The following KLF12 variants were observed in gnomAD, a reference collection of about 807,000 sequenced individuals.
KLF12 encodes the protein KLF transcription factor 12, also known as Krueppel-like factor 12.
Under a neutral mutation model 37.8 loss-of-function variants are expected in KLF12, and 9 were observed. The observed-to-expected ratio is 0.24, with a 90% CI of 0.14 to 0.42. The LOEUF is 0.42. Ranked by LOEUF, KLF12 falls within the 10% of genes least tolerant of loss-of-function variation. The probability of loss-of-function intolerance (pLI) is 1.00; values close to 1 mark genes in which losing one functional copy is unlikely to be tolerated. For synonymous variants in KLF12, 208 were observed against 202.1 expected, an observed-to-expected ratio of 1.03 and a Z score of -0.25; for missense variants, 411 against 516.0, an observed-to-expected ratio of 0.80 and a Z score of 1.97.
At chr13:73,950,864 G>T (rs1434062181) in intron 2 of KLF12, among the ~76,000 whole-genome samples, 1 of 152,200 alleles carries the variant, frequency 6.6e-6, no homozygotes, top group African/African-American at 2.4e-5. Flanking sequence ...TCCTTTCTGG[G>T]AGATGAGGCT....
intron 1 of KLF12, among the ~76,000 whole-genome samples, chr13:74,132,676 AC>A (rs1448597239): frequency 1.3e-5 from 2 of 152,202 alleles, no homozygotes; most frequent in African/African-American, 4.8e-5. Context: ...TAAGACTATT[AC>A]TATTAAAGTA....
In KLF12 at chr13:73,694,894, G is replaced by C. The variant is rs942311820; in HGVS notation, c.*596C>G. On this transcript the variant is annotated 3_prime_UTR_variant, in exon 8 of 8. Coordinates refer to ENST00000377669, the MANE Select transcript of KLF12 (RefSeq NM_007249.5). ...TCTTCAGGGCATGGCAGAATGACAAGTTGAGAGTGATATCTAGTGGCTGCC... is the reference window on the plus strand; with the variant it reads ...TCTTCAGGGCATGGCAGAATGACAACTTGAGAGTGATATCTAGTGGCTGCC... 1 of 152,680 alleles carries C rather than the reference G, an allele frequency of 6.5e-6. No homozygotes were observed. Among genetic ancestry groups the C allele is most frequent in the African/African-American group, 2.4e-5 (1 of 41,462 alleles). The allele number at this position is 152,680 out of a possible 1,614,324, so 9.5% of individuals were successfully genotyped here. A position where few individuals can be genotyped will look rare whatever the true frequency, so the allele number is the denominator to read the frequency against.
the KLF12 span, among the ~76,000 whole-genome samples, chr13:74,247,447 C>G: frequency 6.6e-6 from 1 of 152,060 alleles, no homozygotes; most frequent in East Asian, 1.9e-4. Flanking sequence ...TGGCACATAT[C>G]CAGATGTACC....
At chr13:73,977,204 G>A (rs956884139) in intron 2 of KLF12, among the ~76,000 whole-genome samples, 3 of 151,784 alleles carry the variant, frequency 2.0e-5, no homozygotes, top group African/African-American at 4.8e-5. Context: ...ACCAACACCC[G>A]GCTAGCTTTT....
intron 3 of KLF12, among the ~76,000 whole-genome samples, chr13:73,895,085 C>T (rs563759831): frequency 6.6e-6 from 1 of 152,316 alleles, no homozygotes; most frequent in East Asian, 1.9e-4. Context: ...TTATGAACCA[C>T]ATAATTACAA....
At chr13:73,708,000 T>A (rs902183054) in intron 7 of KLF12, among the ~76,000 whole-genome samples, 5 of 152,144 alleles carry the variant, frequency 3.3e-5, no homozygotes, top group African/African-American at 1.2e-4. Flanking sequence ...ATTAATGGAA[T>A]AAACATGTAA....
intron 4 of KLF12, among the ~76,000 whole-genome samples, chr13:73,825,020 G>A (rs1883757772): frequency 6.6e-6 from 1 of 151,752 alleles, no homozygotes; most frequent in Non-Finnish European, 1.5e-5. Flanking sequence ...AGTGCGCTGA[G>A]ATTGCACCAT....
intron 3 of KLF12, among the ~76,000 whole-genome samples, chr13:73,858,099 T>A (rs980071557): frequency 6.6e-6 from 1 of 152,208 alleles, no homozygotes; most frequent in Non-Finnish European, 1.5e-5. Context: ...TTATCTTTTT[T>A]CCTATATTTT....
chr13:74,240,333 C>T, the KLF12 span, among the ~76,000 whole-genome samples: 2 of 123,648 alleles, frequency 1.6e-5, no homozygotes, highest in East Asian at 2.3e-4. Context: ...TGATGGGCTT[C>T]CCTTTGAGGG....
chr13:74,111,567 C>T (rs183113895), intron 1 of KLF12, among the ~76,000 whole-genome samples: 1 of 152,190 alleles, frequency 6.6e-6, no homozygotes, highest in African/African-American at 2.4e-5. Context: ...TGAGCTGTGA[C>T]TGAAAAAGGA....
At chr13:74,209,378 C>T in the KLF12 span, among the ~76,000 whole-genome samples, 1 of 152,028 alleles carries the variant, frequency 6.6e-6, no homozygotes, top group South Asian at 2.1e-4. Flanking sequence ...CTACGATAAG[C>T]TTCTGAGCAC....
chr13:74,230,219 G>A, the KLF12 span, among the ~76,000 whole-genome samples: 1 of 152,018 alleles, frequency 6.6e-6, no homozygotes, highest in Non-Finnish European at 1.5e-5. Context: ...GTTTTATAAG[G>A]AGCTTCCCCC....
At chr13:74,165,053 A>G in the KLF12 span, among the ~76,000 whole-genome samples, 33 of 152,192 alleles carry the variant, frequency 2.2e-4, no homozygotes, top group African/African-American at 7.5e-4. Flanking sequence ...GAGGATAACT[A>G]GAATGTTTGT....
At chr13:73,856,153 G>A (rs1409690590) in intron 3 of KLF12, among the ~76,000 whole-genome samples, 2 of 152,208 alleles carry the variant, frequency 1.3e-5, no homozygotes, top group East Asian at 3.9e-4. Flanking sequence ...AAAGAGCCAG[G>A]CTGGGGACTT....
chr13:73,778,870 AAAG>A (rs1312278184), intron 5 of KLF12, among the ~76,000 whole-genome samples: 1 of 152,194 alleles, frequency 6.6e-6, no homozygotes, highest in East Asian at 1.9e-4. Context: ...TTTTAAGAGC[AAAG>A]AAGCAGCTCT....
chr13:73,867,877 C>T (rs577111172), intron 3 of KLF12, among the ~76,000 whole-genome samples: 4 of 151,154 alleles, frequency 2.6e-5, no homozygotes, highest in Non-Finnish European at 4.4e-5. Context: ...AAAAATTAGT[C>T]GGGCATGGTG....
chr13:73,910,870 G>A (rs1251815654), intron 3 of KLF12, among the ~76,000 whole-genome samples: 1 of 152,148 alleles, frequency 6.6e-6, no homozygotes, highest in Non-Finnish European at 1.5e-5. Flanking sequence ...TCATGGAAGT[G>A]AAACTGGTAG....
At chr13:73,773,876 C>A (rs561763502) in intron 5 of KLF12, among the ~76,000 whole-genome samples, 167 of 152,202 alleles carry the variant, frequency 1.1e-3, no homozygotes, top group Non-Finnish European at 1.8e-3. Flanking sequence ...CCCCCCTTAC[C>A]AGCCCCACCT....
intron 5 of KLF12, among the ~76,000 whole-genome samples, chr13:73,783,627 T>C (rs1490274254): frequency 6.6e-6 from 1 of 152,124 alleles, no homozygotes; most frequent in Non-Finnish European, 1.5e-5. Flanking sequence ...AATTAAAAAA[T>C]TTTTAAAGCA....
Sources: gnomAD v4.1 joint callset for allele counts (sites outside exome capture counted in the v4.1 genomes callset) on GRCh38, gnomAD v4.1.1 for gene constraint, MANE v1.5 for transcripts, NCBI Gene and HGNC (gene_info 2026-07-23, HGNC 2026-07-21) for gene names.